NHSL2: variants seen among roughly 807,000 people sequenced by gnomAD.
NHSL2 encodes NHS like 2.
In NHSL2, 27 loss-of-function variants were observed where a neutral mutation model predicts 53.4. The ratio of observed to expected loss-of-function variants is 0.51; its 90% CI spans 0.37 to 0.70. The LOEUF (loss-of-function observed/expected upper bound fraction) is 0.70, where lower values mean the gene tolerates loss of function less well. Among genes scored for constraint, NHSL2 ranks in the 30% least tolerant of loss-of-function variants. The pLI is 0.00. For missense variants in NHSL2, 892 were observed against 980.1 expected, an observed-to-expected ratio of 0.91 and a Z score of 1.20; for synonymous variants, 408 against 404.1, an observed-to-expected ratio of 1.01 and a Z score of -0.12.
intron 1 of NHSL2, among the ~76,000 whole-genome samples, chrX:71,927,253 G>T (rs938336747): frequency 1.8e-5 from 2 of 112,275 alleles, no homozygotes; most frequent in Non-Finnish European, 3.8e-5. Flanking sequence ...ATGAGGGCCG[G>T]ATCAGAGGGA....
At chrX:71,965,302 T>A (rs1174743155) in intron 1 of NHSL2, among the ~76,000 whole-genome samples, 2 of 112,659 alleles carry the variant, frequency 1.8e-5, no homozygotes, top group Admixed American at 9.4e-5. Context: ...GAGTATAAAG[T>A]CAATGTCTAG....
At chrX:71,925,114 ATTAG>A (rs1015824855) in intron 1 of NHSL2, among the ~76,000 whole-genome samples, 3 of 112,242 alleles carry the variant, frequency 2.7e-5, no homozygotes, top group African/African-American at 9.7e-5. Flanking sequence ...AATCCGCTAT[ATTAG>A]TTAATGCCTA....
chrX:72,133,240 T>G (rs922468513), intron 2 of NHSL2, among the ~76,000 whole-genome samples: 2 of 111,611 alleles, frequency 1.8e-5, no homozygotes, highest in Non-Finnish European at 3.8e-5. Flanking sequence ...GGGAGGGAGC[T>G]CCCCTTCCCT....
At chrX:71,974,990 C>T (rs1453886948) in intron 1 of NHSL2, among the ~76,000 whole-genome samples, 1 of 112,160 alleles carries the variant, frequency 8.9e-6, no homozygotes, top group Non-Finnish European at 1.9e-5. Context: ...AAGATTCAGC[C>T]ATGGCAGCTG....
Position 71,957,174 on chromosome X carries a change from G to A in NHSL2, c.280+45807G>A, listed in dbSNP as rs2041846353. On this transcript the variant is annotated intron_variant, in intron 1 of 7. Transcript: ENST00000633930. ...GGACAGGATAGAAATCTTGGGATTA[G>A]GAGGGACCTCTACCTGGCACTTTGC... 3.6e-5 allele frequency among the ~76,000 whole-genome samples: 4 copies of A among 112,310 alleles called. No homozygotes were observed. In the South Asian group the frequency reaches 1.5e-3, roughly 42 times the overall value.
intron 6 of NHSL2, 61 bp downstream of exon 6, chrX:72,140,832 A>G: frequency 2.1e-6 from 2 of 943,439 alleles, no homozygotes; most frequent in Admixed American, 6.3e-5. Flanking sequence ...GTGAGAATGG[A>G]GTGCCAGAGA....
chrX:72,093,721 G>GCTTGCTTGCTTTCTTTCTTT (rs1216358306), intron 1 of NHSL2, among the ~76,000 whole-genome samples: 21 of 95,297 alleles, frequency 2.2e-4, no homozygotes, highest in Admixed American at 3.4e-4. Flanking sequence ...TAGCTTGCTT[G>GCTTGCTTGCTTTCTTTCTTT]CTTTCTTTCT....
chrX:72,101,137 T>C (rs1172741243), intron 1 of NHSL2, among the ~76,000 whole-genome samples: 1 of 109,341 alleles, frequency 9.1e-6, no homozygotes, highest in Non-Finnish European at 1.9e-5. Flanking sequence ...AGAACCCACA[T>C]TGTGGCTTAC....
rs765103039 is a variant in NHSL2, at chrX:72,138,684, C to A, written c.1136C>A (p.Ser379Tyr). ...SMGMVYSVPS[S>Y]CNGPTESTFS... The stretch of plus-strand genomic sequence containing the variant: ...GGAATGGTGTACAGTGTCCCCAGTT[C>A]TTGCAATGGACCTACAGAATCAACC... Residue 379 changes from serine to tyrosine, a missense_variant, in exon 6 of 8, where the codon TCT becomes TAT. Physicochemically the swap from Ser to Tyr is moderately radical, Grantham distance 144. Transcript: ENST00000633930. 8.4e-7 allele frequency: 1 copy of A among 1,194,219 alleles called. No homozygotes were observed. Among genetic ancestry groups the A allele is most frequent in the Non-Finnish European group, 1.1e-6 (1 of 886,039 alleles).
At chrX:72,129,868 C>G in intron 1 of NHSL2, 1 of 1,204,161 alleles carries the variant, frequency 8.3e-7, no homozygotes, top group Non-Finnish European at 1.1e-6. Flanking sequence ...TCGGTGGCCC[C>G]CCTGTCTCGG....
intron 1 of NHSL2, among the ~76,000 whole-genome samples, chrX:71,931,451 C>T (rs1307646793): frequency 8.9e-6 from 1 of 112,151 alleles, no homozygotes; most frequent in African/African-American, 3.2e-5. Context: ...AATCTAAGAA[C>T]GTGCAAATTT....
Position 72,068,661 on chromosome X carries a change from C to CGT in NHSL2, c.281-63404_281-63403dup, listed in dbSNP as rs1170119620. Among the ~76,000 whole-genome samples, 57 of 47,090 alleles carry CGT rather than the reference C, an allele frequency of 1.2e-3. 2 individuals carry two copies. In the Admixed American group the frequency reaches 0.014, roughly 12 times the overall value. 40.9% of individuals were successfully genotyped at this position (47,090 alleles called of 115,157 possible). A position where few individuals can be genotyped will look rare whatever the true frequency, so the allele number is the denominator to read the frequency against. On this transcript the variant is annotated intron_variant, in intron 1 of 7. Coordinates refer to ENST00000633930, the MANE Select transcript of NHSL2 (RefSeq NM_001013627.3). ...GCGTAAGTGTGTCCGTGTGTGTGTGCGTGTGTGTGTGTGTGAGAGAGAGAG... is the reference window on the plus strand; with the variant it reads ...GCGTAAGTGTGTCCGTGTGTGTGTGCGTGTGTGTGTGTGTGTGAGAGAGAGAG...
chrX:72,094,071 C>T (rs145869819), intron 1 of NHSL2, among the ~76,000 whole-genome samples: 103 of 111,477 alleles, frequency 9.2e-4, no homozygotes, highest in African/African-American at 3.2e-3. Context: ...TGTGAGCCAC[C>T]GTGCCCAGCC....
At chrX:71,936,850 AGAG>A (rs2041741209) in intron 1 of NHSL2, among the ~76,000 whole-genome samples, 1 of 111,450 alleles carries the variant, frequency 9.0e-6, no homozygotes, top group South Asian at 3.8e-4. Context: ...CATTTTGAAA[AGAG>A]GAGAAAGTAG....
chrX:71,925,817 C>T (rs2041681897), intron 1 of NHSL2, among the ~76,000 whole-genome samples: 1 of 111,940 alleles, frequency 8.9e-6, no homozygotes, highest in Non-Finnish European at 1.9e-5. Flanking sequence ...GAAGAGTAAA[C>T]AATTTAGAGT....
chrX:71,934,236 A>C (rs2041727080), intron 1 of NHSL2, among the ~76,000 whole-genome samples: 1 of 112,079 alleles, frequency 8.9e-6, no homozygotes, highest in Non-Finnish European at 1.9e-5. Flanking sequence ...CAGGGTTTAC[A>C]TAACTAGGTT....
At chrX:72,030,436 A>G (rs1356293914) in intron 1 of NHSL2, among the ~76,000 whole-genome samples, 2 of 112,326 alleles carry the variant, frequency 1.8e-5, no homozygotes, top group Non-Finnish European at 3.8e-5. Flanking sequence ...GAAAGCATAT[A>G]TACAGTAAAT....
At chrX:71,955,314 C>G (rs1284754916) in intron 1 of NHSL2, among the ~76,000 whole-genome samples, 1 of 111,472 alleles carries the variant, frequency 9.0e-6, no homozygotes, top group East Asian at 2.8e-4. Context: ...AAATGTGAAA[C>G]ACCATCCAAA....
chrX:72,093,721 G>GCTTGCTTTCTTTCTTTCTTT (rs1216358306), intron 1 of NHSL2, among the ~76,000 whole-genome samples: 13 of 95,301 alleles, frequency 1.4e-4, no homozygotes, highest in Admixed American at 2.2e-4. Context: ...TAGCTTGCTT[G>GCTTGCTTTCTTTCTTTCTTT]CTTTCTTTCT....
Sources: gnomAD v4.1 joint callset for allele counts (sites outside exome capture counted in the v4.1 genomes callset) on GRCh38, gnomAD v4.1.1 for gene constraint, MANE v1.5 for transcripts, NCBI Gene and HGNC (gene_info 2026-07-23, HGNC 2026-07-21) for gene names.